Variants in RUNDC3B observed in about 807,000 individuals in gnomAD.
RUNDC3B encodes the protein RUN domain-containing protein 3B.
A neutral mutation model predicts 58.4 loss-of-function variants in RUNDC3B; 33 were observed. The ratio of observed to expected loss-of-function variants is 0.56; its 90% CI spans 0.43 to 0.75. The LOEUF (loss-of-function observed/expected upper bound fraction) is 0.75. Among genes scored for constraint, RUNDC3B ranks in the 30% least tolerant of loss-of-function variants. RUNDC3B has a pLI of 0.00. For synonymous variants in RUNDC3B, 193 were observed against 195.2 expected, an observed-to-expected ratio of 0.99 and a Z score of 0.10; for missense variants, 501 against 535.7, an observed-to-expected ratio of 0.94 and a Z score of 0.64.
At chr7:87,761,363 T>C (rs577771263) in intron 6 of RUNDC3B, among the ~76,000 whole-genome samples, 30 of 152,062 alleles carry the variant, frequency 2.0e-4, no homozygotes, top group Admixed American at 5.9e-4. Flanking sequence ...GTTGCATTTC[T>C]GGTGGGAAAA....
rs1490145642 is a variant in RUNDC3B at position 87,658,466 on chromosome 7, T to C, written c.238+7529T>C. ...AAGGAGAGAAGAAAGAAGGTGGGAC[T>C]GAAAAAGTACTCAACAGCTGAAAAT... On this transcript the variant is annotated intron_variant, in intron 2 of 10. Coordinates refer to ENST00000394654, the MANE Select transcript of RUNDC3B (RefSeq NM_001134405.2). 2.6e-5 allele frequency among the ~76,000 whole-genome samples: 4 copies of C among 152,276 alleles called. No homozygotes were observed. The East Asian group carries it at 7.7e-4, about 29-fold the overall frequency.
intron 8 of RUNDC3B, among the ~76,000 whole-genome samples, chr7:87,792,869 G>A (rs1172733962): frequency 6.6e-6 from 1 of 151,914 alleles, no homozygotes; most frequent in East Asian, 1.9e-4. Flanking sequence ...AAATGAAATT[G>A]AAATGAAATG....
chr7:87,656,679 G>A (rs1389528118), intron 2 of RUNDC3B, among the ~76,000 whole-genome samples: 3 of 151,884 alleles, frequency 2.0e-5, no homozygotes, highest in Non-Finnish European at 4.4e-5. Flanking sequence ...TTAATTGATA[G>A]TTTAAAAAAA....
At chr7:87,640,325 A>C (rs767809297) in intron 1 of RUNDC3B, among the ~76,000 whole-genome samples, 2 of 151,486 alleles carry the variant, frequency 1.3e-5, no homozygotes, top group Non-Finnish European at 2.9e-5. Context: ...TTTTGGAAAA[A>C]TTTTGGTTAT....
intron 6 of RUNDC3B, among the ~76,000 whole-genome samples, chr7:87,743,953 G>A (rs1474400053): frequency 1.3e-5 from 2 of 152,106 alleles, no homozygotes; most frequent in Non-Finnish European, 2.9e-5. Context: ...CAGGTCTTAG[G>A]TTTTAGTCCT....
chr7:87,755,568 A>G (rs1833321328), intron 6 of RUNDC3B, among the ~76,000 whole-genome samples: 1 of 151,996 alleles, frequency 6.6e-6, no homozygotes, highest in African/African-American at 2.4e-5. Flanking sequence ...TTGGTTCAAC[A>G]TACGTAATCA....
intron 3 of RUNDC3B, among the ~76,000 whole-genome samples, chr7:87,705,421 A>C (rs1829496795): frequency 6.6e-6 from 1 of 152,180 alleles, no homozygotes; most frequent in East Asian, 1.9e-4. Flanking sequence ...GCGAGACTCC[A>C]TCTAAGAAAA....
At chr7:87,690,512 G>C (rs1177179087) in intron 2 of RUNDC3B, among the ~76,000 whole-genome samples, 1 of 152,042 alleles carries the variant, frequency 6.6e-6, no homozygotes, top group Admixed American at 6.6e-5. Context: ...TTTTAAAGCA[G>C]TATTTTTAAA....
intron 2 of RUNDC3B, among the ~76,000 whole-genome samples, chr7:87,671,204 T>G (rs1255699590): frequency 6.6e-6 from 1 of 152,186 alleles, no homozygotes; most frequent in African/African-American, 2.4e-5. Context: ...GGAGACGTAC[T>G]GGCCTCCTCT....
chr7:87,648,773 T>C (rs965793134), intron 1 of RUNDC3B, among the ~76,000 whole-genome samples: 1 of 152,186 alleles, frequency 6.6e-6, no homozygotes, highest in Non-Finnish European at 1.5e-5. Flanking sequence ...ACAGGAAAAT[T>C]ATAATTTTTA....
In RUNDC3B at chr7:87,807,511, G is replaced by T; in HGVS notation, c.1095G>T (p.Gln365His). 1 of 1,612,302 alleles carries T rather than the reference G, an allele frequency of 6.2e-7. No homozygotes were observed. The highest frequency in any genetic ancestry group is 8.5e-7 in the Non-Finnish European group (1 of 1,178,440). Reference sequence around the variant, plus strand: ...TGCTTTACCGAAAACACAATAAACAGTGGTATGAGTAAGTGTAATACTTTT... The same window carrying T: ...TGCTTTACCGAAAACACAATAAACATTGGTATGAGTAAGTGTAATACTTTT... Reference protein sequence around the residue: ...DTLLYRKHNKQWYEKSYQSLD... With the variant: ...DTLLYRKHNKHWYEKSYQSLD... The change falls in exon 9 of 11, where the codon CAG becomes CAT. Residue 365 changes from glutamine (Q) to histidine (H), a missense_variant. Physicochemically the swap from Gln to His is conservative, Grantham distance 24. Transcript: ENST00000394654.
chr7:87,740,625 CT>C (rs749524001), intron 5 of RUNDC3B, among the ~76,000 whole-genome samples: 4 of 152,132 alleles, frequency 2.6e-5, no homozygotes, highest in African/African-American at 9.7e-5. Context: ...TGAAATTCTA[CT>C]TTTGAGTCTT....
At chr7:87,827,460 C>G (rs529573286) in intron 10 of RUNDC3B, among the ~76,000 whole-genome samples, 3 of 152,276 alleles carry the variant, frequency 2.0e-5, no homozygotes, top group Admixed American at 1.3e-4. Context: ...GCACTCAAGC[C>G]TGGGTGCTAG....
At chr7:87,732,707 A>C (rs900485519) in intron 4 of RUNDC3B, among the ~76,000 whole-genome samples, 11 of 152,160 alleles carry the variant, frequency 7.2e-5, no homozygotes, top group Admixed American at 7.2e-4. Context: ...TTTATTATTA[A>C]GTTTAGTGAG....
chr7:87,731,397 G>C (rs934886855), intron 4 of RUNDC3B, among the ~76,000 whole-genome samples: 13 of 152,016 alleles, frequency 8.6e-5, no homozygotes, highest in African/African-American at 3.1e-4. Context: ...AAAATGGCAG[G>C]AGTCAATTCC....
At chr7:87,638,379 G>T (rs923447715) in intron 1 of RUNDC3B, among the ~76,000 whole-genome samples, 1 of 150,050 alleles carries the variant, frequency 6.7e-6, no homozygotes, top group Non-Finnish European at 1.5e-5. Flanking sequence ...GTGTGTGTGT[G>T]TTTCCTCCCC....
At chr7:87,686,868 C>T (rs1201129799) in intron 2 of RUNDC3B, among the ~76,000 whole-genome samples, 1 of 150,906 alleles carries the variant, frequency 6.6e-6, no homozygotes, top group Non-Finnish European at 1.5e-5. Flanking sequence ...TCACCTGAGC[C>T]CAAGGAGACC....
intron 1 of RUNDC3B, among the ~76,000 whole-genome samples, chr7:87,632,718 A>C (rs1043602030): frequency 6.6e-6 from 1 of 152,046 alleles, no homozygotes; most frequent in Non-Finnish European, 1.5e-5. Context: ...GTCCTTTATA[A>C]GCTTCATTGT....
At chr7:87,724,705 T>G (rs1831111243) in intron 4 of RUNDC3B, among the ~76,000 whole-genome samples, 1 of 152,076 alleles carries the variant, frequency 6.6e-6, no homozygotes. Flanking sequence ...CAAAATAATC[T>G]GCCATTTTCA....
Sources: gnomAD v4.1 joint callset for allele counts (sites outside exome capture counted in the v4.1 genomes callset) on GRCh38, gnomAD v4.1.1 for gene constraint, MANE v1.5 for transcripts, NCBI Gene and HGNC (gene_info 2026-07-23, HGNC 2026-07-21) for gene names.